Variants in ROBO1 observed in about 807,000 individuals in gnomAD.
ROBO1 encodes the protein roundabout homolog 1.
In ROBO1, 149 loss-of-function variants were observed where a neutral mutation model predicts 195.9. The observed-to-expected ratio is 0.76, with a 90% confidence interval of 0.67 to 0.87. ROBO1 has a LOEUF of 0.87. ROBO1 is among the 40% of genes least tolerant of loss of function. The probability of loss-of-function intolerance (pLI) is 0.00; values close to 1 mark genes in which losing one functional copy is unlikely to be tolerated. For missense variants in ROBO1, 1,933 were observed against 2,068.3 expected (o/e 0.93, Z 1.27); for synonymous variants, 816 against 733.2 (o/e 1.11, Z -1.82).
intron 25 of ROBO1, among the ~76,000 whole-genome samples, chr3:78,628,740 T>G (rs910691524): frequency 1.3e-5 from 2 of 152,214 alleles, no homozygotes; most frequent in Non-Finnish European, 2.9e-5. Flanking sequence ...AACAAACAGC[T>G]GAGCAACTTG....
At chr3:79,305,912 G>A (rs560644939) in intron 2 of ROBO1, among the ~76,000 whole-genome samples, 1 of 152,022 alleles carries the variant, frequency 6.6e-6, no homozygotes, top group Non-Finnish European at 1.5e-5. Flanking sequence ...GTAAGTGAAG[G>A]TTGAAAAAAA....
At chr3:79,176,672 G>A (rs767789978) in intron 2 of ROBO1, among the ~76,000 whole-genome samples, 1 of 152,114 alleles carries the variant, frequency 6.6e-6, no homozygotes, top group African/African-American at 2.4e-5. Context: ...TAGCCAGGCT[G>A]GTCTCAAACT....
intron 4 of ROBO1, among the ~76,000 whole-genome samples, chr3:78,830,784 C>T (rs1285178890): frequency 4.6e-5 from 7 of 152,104 alleles, no homozygotes; most frequent in Non-Finnish European, 1.0e-4. Flanking sequence ...AGAAAGTTTC[C>T]AGCATATAAA....
chr3:79,692,793 C>T (rs544363740), intron 1 of ROBO1, among the ~76,000 whole-genome samples: 4 of 151,758 alleles, frequency 2.6e-5, no homozygotes, highest in African/African-American at 9.6e-5. Flanking sequence ...TATTCCTTAT[C>T]GAAAATATTT....
At chr3:78,640,842 G>T (rs866635959) in intron 21 of ROBO1, among the ~76,000 whole-genome samples, 29 of 152,180 alleles carry the variant, frequency 1.9e-4, no homozygotes, top group South Asian at 4.2e-4. Context: ...TTTCTTGGTG[G>T]TTTTATTTTC....
intron 29 of ROBO1, among the ~76,000 whole-genome samples, chr3:78,600,594 A>C (rs1328076745): frequency 4.6e-5 from 7 of 152,116 alleles, no homozygotes; most frequent in Non-Finnish European, 7.4e-5. Context: ...AAAAGAGGTA[A>C]ACCAAACCTG....
intron 2 of ROBO1, among the ~76,000 whole-genome samples, chr3:79,382,978 C>T (rs964150616): frequency 4.6e-5 from 7 of 151,960 alleles, no homozygotes; most frequent in South Asian, 2.1e-4. Context: ...AAGTAACCTT[C>T]GACACCAAGG....
At chr3:78,953,377 T>C (rs1306219395) in intron 3 of ROBO1, among the ~76,000 whole-genome samples, 2 of 152,022 alleles carry the variant, frequency 1.3e-5, no homozygotes, top group African/African-American at 4.8e-5. Flanking sequence ...CAAGTATATT[T>C]GCATGTGTTA....
rs150226804 is a variant in ROBO1, at chr3:79,734,398, A to G, written c.-51+33354T>C. Reference sequence around the variant, plus strand: ...CACCAACCAGCCTCATGAAAATTCAATTATACTATCTGTACTTTATTTGTG... The same window carrying G: ...CACCAACCAGCCTCATGAAAATTCAGTTATACTATCTGTACTTTATTTGTG... On this transcript the variant is annotated intron_variant, in intron 1 of 30. Coordinates refer to ENST00000464233, the MANE Select transcript of ROBO1 (RefSeq NM_002941.4). 6.0e-3 allele frequency among the ~76,000 whole-genome samples: 916 copies of G among 152,332 alleles called. 8 individuals are homozygous for G. The highest frequency in any genetic ancestry group is 0.037 in the Middle Eastern group (11 of 294).
intron 1 of ROBO1, among the ~76,000 whole-genome samples, chr3:79,660,459 C>T (rs1234720890): frequency 1.3e-5 from 2 of 152,044 alleles, no homozygotes; most frequent in Non-Finnish European, 2.9e-5. Context: ...CCAAGACACA[C>T]GAGAAGTTGT....
intron 3 of ROBO1, among the ~76,000 whole-genome samples, chr3:78,966,059 G>T (rs1015829970): frequency 6.6e-6 from 1 of 152,188 alleles, no homozygotes; most frequent in Non-Finnish European, 1.5e-5. Context: ...TCAGATCAGT[G>T]GTGGCATTAG....
At chr3:79,749,800 C>T (rs1486574981) in intron 1 of ROBO1, among the ~76,000 whole-genome samples, 1 of 152,156 alleles carries the variant, frequency 6.6e-6, no homozygotes, top group Non-Finnish European at 1.5e-5. Flanking sequence ...TGCCTGGATA[C>T]CCAGGCAGAA....
chr3:78,787,505 T>C (rs970021095), intron 4 of ROBO1, among the ~76,000 whole-genome samples: 6 of 152,216 alleles, frequency 3.9e-5, no homozygotes, highest in Non-Finnish European at 7.3e-5. Context: ...TAACCATAAG[T>C]ACTTTCACTT....
chr3:79,410,539 C>T (rs1156280542), intron 2 of ROBO1, among the ~76,000 whole-genome samples: 2 of 151,220 alleles, frequency 1.3e-5, no homozygotes, highest in African/African-American at 2.4e-5. Context: ...AGTATCAGAC[C>T]TATAGACATG....
chr3:78,904,718 A>G (rs150675633), intron 4 of ROBO1, among the ~76,000 whole-genome samples: 3 of 147,910 alleles, frequency 2.0e-5, no homozygotes, highest in Non-Finnish European at 1.5e-5. Context: ...ATATATATGT[A>G]TATGTATATA....
At position 78,792,183 on chromosome 3, in the gene ROBO1, T is replaced by C. The variant is rs187645536; in HGVS notation, c.500-45283A>G. The stretch of plus-strand genomic sequence containing the variant: ...CATTGTGGGGAACTATGCCCTACCA[T>C]CTGGTGTGAAGCGTGGTACTAAAAG... On this transcript the variant is annotated intron_variant, in intron 4 of 30. Coordinates refer to ENST00000464233, the MANE Select transcript of ROBO1 (RefSeq NM_002941.4). Among the ~76,000 whole-genome samples the C allele has an allele frequency of 2.0e-5, 3 of 152,280 alleles. No homozygotes were observed. The East Asian group carries it at 5.8e-4, about 29-fold the overall frequency.
At chr3:79,628,995 T>A (rs139844927) in intron 1 of ROBO1, among the ~76,000 whole-genome samples, 2 of 152,246 alleles carry the variant, frequency 1.3e-5, no homozygotes, top group African/African-American at 4.8e-5. Flanking sequence ...CACAGATTCA[T>A]AAGGCAAATG....
At chr3:78,950,543 A>G (rs1162551354) in intron 3 of ROBO1, among the ~76,000 whole-genome samples, 1 of 149,720 alleles carries the variant, frequency 6.7e-6, no homozygotes, top group Admixed American at 6.6e-5. Flanking sequence ...GATAAGCTTT[A>G]GGAGATATAC....
intron 1 of ROBO1, among the ~76,000 whole-genome samples, chr3:79,766,506 C>A (rs894651407): frequency 1.3e-5 from 2 of 151,806 alleles, no homozygotes; most frequent in African/African-American, 4.8e-5. Flanking sequence ...GTGTGAGCGC[C>A]CTCCACGCGG....
Sources: allele counts gnomAD v4.1 joint callset (sites outside exome capture counted in the v4.1 genomes callset), GRCh38; gene constraint gnomAD v4.1.1; transcripts MANE v1.5; gene names NCBI Gene and HGNC (gene_info 2026-07-23, HGNC 2026-07-21).